The following RBFOX1 variants were observed in gnomAD, a reference collection of about 807,000 sequenced individuals.
RBFOX1 encodes the protein RNA binding fox-1 homolog 1.
A neutral mutation model predicts 57.7 loss-of-function variants in RBFOX1; 8 were observed. The observed-to-expected ratio is 0.14, with a 90% CI of 0.08 to 0.25. The LOEUF (loss-of-function observed/expected upper bound fraction) is 0.25, where lower values mean the gene tolerates loss of function less well. Among genes scored for constraint, RBFOX1 ranks in the 10% least tolerant of loss-of-function variants. The pLI, the probability that RBFOX1 is intolerant of heterozygous loss-of-function variation, is 1.00. For synonymous variants in RBFOX1, 326 were observed against 222.4 expected (o/e 1.47, Z -4.15); for missense variants, 611 against 548.5 (o/e 1.11, Z -1.14).
chr16:6,526,486 G>A (rs974379789), intron 2 of RBFOX1, among the ~76,000 whole-genome samples: 1 of 152,066 alleles, frequency 6.6e-6, no homozygotes. Context: ...TTGTCTATTA[G>A]GTCTGAGGCT....
chr16:5,889,792 A>G (rs1384067777), intron 4 of RBFOX1, among the ~76,000 whole-genome samples: 1 of 152,152 alleles, frequency 6.6e-6, no homozygotes, highest in Non-Finnish European at 1.5e-5. Context: ...CCTGAGAGAG[A>G]TGTAGGTGTT....
At chr16:6,675,039 G>A (rs1030782488) in intron 3 of RBFOX1, among the ~76,000 whole-genome samples, 2 of 152,050 alleles carry the variant, frequency 1.3e-5, no homozygotes, top group East Asian at 1.9e-4. Context: ...CTCATTAGCT[G>A]GGACTACAGG....
intron 3 of RBFOX1, among the ~76,000 whole-genome samples, chr16:5,747,903 T>C (rs2151610165): frequency 6.6e-6 from 1 of 152,302 alleles, no homozygotes; most frequent in Non-Finnish European, 1.5e-5. Context: ...TAGTTATTTC[T>C]TGCCTTCTGC....
At chr16:6,034,431 C>G (rs2095337017) in intron 1 of RBFOX1, among the ~76,000 whole-genome samples, 1 of 147,614 alleles carries the variant, frequency 6.8e-6, no homozygotes, top group Non-Finnish European at 1.5e-5. Flanking sequence ...AGTCCATGAT[C>G]AAGGTGTGGC....
rs565148798 is a variant in RBFOX1 at position 5,879,056 on chromosome 16, C to G, written c.351+11721C>G. The stretch of plus-strand genomic sequence containing the variant: ...GCAAGAATTCTGGTCCTGTAGCCCC[C>G]TCCTTACAGCTCAGCAGCCAAGTAG... On this transcript the variant is annotated intron_variant, in intron 4 of 19. Coordinates refer to the RBFOX1 transcript ENST00000641259. Among the ~76,000 whole-genome samples the G allele has an allele frequency of 5.3e-5, 8 of 152,312 alleles. No homozygotes were observed. In the East Asian group the frequency reaches 1.5e-3, roughly 29 times the overall value.
At chr16:6,402,428 TC>T (rs1489156339) in intron 2 of RBFOX1, among the ~76,000 whole-genome samples, 1 of 152,254 alleles carries the variant, frequency 6.6e-6, no homozygotes, top group Non-Finnish European at 1.5e-5. Context: ...TGCTTTTTTT[TC>T]CTTTGGATCT....
rs117002331 is a variant in RBFOX1, at chr16:6,563,799, C to G, written c.-63-90804C>G. On this transcript the variant is annotated intron_variant, in intron 2 of 15. Transcript: ENST00000550418. ...TGAGACTGAGCCACTGCAATCCAGT[C>G]TAGGAGACACAGTGGGATCCTGTCT... Among the ~76,000 whole-genome samples, 32 of 151,244 alleles carry G rather than the reference C, an allele frequency of 2.1e-4. No individual in the cohort carries two copies. The East Asian group carries it at 6.0e-3, about 28-fold the overall frequency.
chr16:5,664,381 C>T (rs148850448), intron 3 of RBFOX1, among the ~76,000 whole-genome samples: 1 of 152,096 alleles, frequency 6.6e-6, no homozygotes, highest in Non-Finnish European at 1.5e-5. Context: ...AACACTGTCT[C>T]TACTAAAAAT....
chr16:7,489,539 G>T (rs931867504), intron 4 of RBFOX1, among the ~76,000 whole-genome samples: 4 of 151,760 alleles, frequency 2.6e-5, no homozygotes, highest in East Asian at 3.9e-4. Context: ...ATAGAGTCTT[G>T]CTCTGTCACT....
chr16:5,935,972 C>T (rs922067587), intron 4 of RBFOX1, among the ~76,000 whole-genome samples: 1 of 152,112 alleles, frequency 6.6e-6, no homozygotes, highest in Non-Finnish European at 1.5e-5. Context: ...GTTCTGTAAA[C>T]CTGCAAGCTC....
intron 3 of RBFOX1, among the ~76,000 whole-genome samples, chr16:5,612,914 C>T (rs574023766): frequency 6.6e-6 from 1 of 152,166 alleles, no homozygotes. Context: ...AGGCTCATGT[C>T]CCACAAAACA....
At position 6,193,362 on chromosome 16, in the gene RBFOX1, A is replaced by ATATATATATATATACAT. The variant is rs1356911525; in HGVS notation, c.-126-123620_-126-123604dup. On this transcript the variant is annotated intron_variant, in intron 1 of 15. Transcript: ENST00000550418. ...TTCTTTACATATATATACATTATAT[A>ATATATATATATATACAT]TATATATATATATACATTATATATA... is the stretch of plus-strand genomic sequence containing the variant. Among the ~76,000 whole-genome samples the ATATATATATATATACAT allele has an allele frequency of 2.5e-3, 255 of 101,276 alleles. 3 individuals carry two copies. Among genetic ancestry groups the ATATATATATATATACAT allele is most frequent in the Non-Finnish European group, 3.9e-3 (197 of 50,554 alleles). The allele number at this position is 101,276 out of a possible 152,430, so 66.4% of individuals were successfully genotyped here.
At chr16:7,335,633 G>C (rs74459115) in intron 4 of RBFOX1, among the ~76,000 whole-genome samples, 4,622 of 150,096 alleles carry the variant, frequency 0.031, 206 homozygotes, top group African/African-American at 0.094. Flanking sequence ...CAGTCATTTG[G>C]TGTGCCAGAC....
At chr16:7,624,501 T>C (rs190435284) in intron 10 of RBFOX1, among the ~76,000 whole-genome samples, 6 of 152,332 alleles carry the variant, frequency 3.9e-5, no homozygotes, top group Non-Finnish European at 8.8e-5. Context: ...TGTCATCCTC[T>C]GGAAAAGCAC....
At chr16:7,242,045 T>C (rs1041310080) in intron 4 of RBFOX1, among the ~76,000 whole-genome samples, 6 of 152,146 alleles carry the variant, frequency 3.9e-5, no homozygotes. Flanking sequence ...CACTAGATGC[T>C]ATTACCATAG....
intron 1 of RBFOX1, among the ~76,000 whole-genome samples, chr16:6,157,552 CT>C (rs568171263): frequency 7.7e-4 from 117 of 152,192 alleles, no homozygotes; most frequent in Middle Eastern, 3.4e-3. Flanking sequence ...ATTTGTCTTC[CT>C]ATTTTTGGAC....
intron 5 of RBFOX1, among the ~76,000 whole-genome samples, chr16:7,562,105 G>A (rs2090519297): frequency 6.6e-6 from 1 of 152,196 alleles, no homozygotes; most frequent in Non-Finnish European, 1.5e-5. Context: ...AGAGAACAAT[G>A]CAGCTCATTT....
intron 2 of RBFOX1, among the ~76,000 whole-genome samples, chr16:6,403,199 C>A (rs565307036): frequency 5.2e-4 from 79 of 152,170 alleles, no homozygotes; most frequent in Middle Eastern, 3.4e-3. Flanking sequence ...GGCCTGTATT[C>A]AAAATCTGCA....
intron 5 of RBFOX1, among the ~76,000 whole-genome samples, chr16:7,528,680 G>C (rs770035664): frequency 9.9e-5 from 15 of 152,078 alleles, no homozygotes; most frequent in Admixed American, 1.3e-4. Context: ...CTTAGAAATA[G>C]GCATTAATCT....
Sources: gnomAD v4.1 joint callset for allele counts (sites outside exome capture counted in the v4.1 genomes callset) on GRCh38, gnomAD v4.1.1 for gene constraint, MANE v1.5 for transcripts, NCBI Gene and HGNC (gene_info 2026-07-23, HGNC 2026-07-21) for gene names.